DCAF5: variants seen among roughly 807,000 people sequenced by gnomAD.
The protein encoded by DCAF5 is DDB1- and CUL4-associated factor 5.
In DCAF5, 9 loss-of-function variants were observed where a neutral mutation model predicts 80.7. That is an observed-to-expected ratio of 0.11 (90% CI 0.07 to 0.19). DCAF5 has a LOEUF of 0.19. DCAF5 is among the 10% of genes least tolerant of loss of function. The pLI, the probability that DCAF5 is intolerant of heterozygous loss-of-function variation, is 1.00. For synonymous variants in DCAF5, 433 were observed against 461.9 expected, an observed-to-expected ratio of 0.94 and a Z score of 0.80; for missense variants, 842 against 1,205.7, an observed-to-expected ratio of 0.70 and a Z score of 4.47.
chr14:69,147,829 T>C (rs1034449849), intron 1 of DCAF5, among the ~76,000 whole-genome samples: 1 of 152,196 alleles, frequency 6.6e-6, no homozygotes. Context: ...ACAAAAAAGA[T>C]AATAATCTCT....
intron 4 of DCAF5, among the ~76,000 whole-genome samples, chr14:69,117,371 C>A (rs1264205384): frequency 6.6e-6 from 1 of 152,138 alleles, no homozygotes; most frequent in Non-Finnish European, 1.5e-5. Flanking sequence ...GAGCACAGCC[C>A]AGAATGTAAA....
At chr14:69,072,924 G>C (rs2038754146) in intron 7 of DCAF5, among the ~76,000 whole-genome samples, 1 of 152,188 alleles carries the variant, frequency 6.6e-6, no homozygotes, top group South Asian at 2.1e-4. Context: ...CCAAGTAAAG[G>C]ATGGGGATGC....
chr14:69,082,919 G>A (rs1348660372), intron 6 of DCAF5, among the ~76,000 whole-genome samples: 1 of 152,050 alleles, frequency 6.6e-6, no homozygotes, highest in African/African-American at 2.4e-5. Context: ...TTCCTAGTGG[G>A]GCCAGACTCT....
chr14:69,140,356 G>A (rs1045161727), intron 1 of DCAF5, among the ~76,000 whole-genome samples: 6 of 152,060 alleles, frequency 3.9e-5, no homozygotes, highest in East Asian at 1.9e-4. Context: ...ATTCTTCTCC[G>A]GGCCACTTGA....
In DCAF5 at chr14:69,084,985, G is replaced by T. The variant is rs951867342; in HGVS notation, c.879+6689C>A. On this transcript the variant is annotated intron_variant, in intron 6 of 8. Transcript: ENST00000341516. Reference sequence around the variant, plus strand: ...CTCATTTTGCACCCAGAAGAATTGGGTTTTCTTCACTACCTGAAATGATCC... The same window carrying T: ...CTCATTTTGCACCCAGAAGAATTGGTTTTTCTTCACTACCTGAAATGATCC... 30 of 1,410,224 alleles carry T rather than the reference G, an allele frequency of 2.1e-5. No individual in the cohort carries two copies. The African/African-American group carries it at 3.5e-4, about 17-fold the overall frequency. The allele number at this position is 1,410,224 out of a possible 1,614,324, so 87.4% of individuals were successfully genotyped here.
intron 5 of DCAF5, among the ~76,000 whole-genome samples, chr14:69,104,249 C>T (rs563387084): frequency 6.6e-6 from 1 of 152,226 alleles, no homozygotes; most frequent in East Asian, 1.9e-4. Context: ...ACATCTTTAC[C>T]AGCATGGCTT....
intron 2 of DCAF5, 92 bp from the exon 3 acceptor site, chr14:69,119,322 A>G (rs1317180691): frequency 1.5e-6 from 2 of 1,298,936 alleles, no homozygotes; most frequent in Non-Finnish European, 2.2e-6. Context: ...CAGGGAAAAA[A>G]TATGAACAAA....
intron 1 of DCAF5, among the ~76,000 whole-genome samples, chr14:69,144,225 G>T (rs1278083069): frequency 6.6e-6 from 1 of 151,498 alleles, no homozygotes; most frequent in African/African-American, 2.4e-5. Flanking sequence ...CCTGGCATAC[G>T]TTACAAGATA....
intron 6 of DCAF5, chr14:69,084,458 A>G (rs2039240035): frequency 1.2e-6 from 1 of 825,096 alleles, no homozygotes; most frequent in Non-Finnish European, 2.1e-6. Context: ...TAGACAGACG[A>G]TGCTCTTTTC....
intron 7 of DCAF5, among the ~76,000 whole-genome samples, chr14:69,070,640 G>A (rs2038649765): frequency 6.6e-6 from 1 of 152,080 alleles, no homozygotes; most frequent in South Asian, 2.1e-4. Context: ...GTAACTGCTG[G>A]TCTACTTATT....
chr14:69,102,692 A>G (rs1195836937), intron 5 of DCAF5, among the ~76,000 whole-genome samples: 1 of 151,664 alleles, frequency 6.6e-6, no homozygotes, highest in East Asian at 1.9e-4. Context: ...TGTTCTACTA[A>G]CATCTTCAGG....
chr14:69,132,050 AC>A (rs750724041), intron 1 of DCAF5, among the ~76,000 whole-genome samples: 7 of 152,106 alleles, frequency 4.6e-5, no homozygotes, highest in Non-Finnish European at 8.8e-5. Flanking sequence ...CCACTGATGG[AC>A]CCTTGGGTTG....
In DCAF5 at chr14:69,077,873, A is replaced by C. The variant is rs1040837507; in HGVS notation, c.880-2462T>G. Among the ~76,000 whole-genome samples, 5 of 152,350 alleles carry C rather than the reference A, an allele frequency of 3.3e-5. No homozygotes were observed. In the East Asian group the frequency reaches 5.8e-4, roughly 18 times the overall value. ...AAAAGGCAAAGACAGGTGGGTTTAA[A>C]GATGAAGAAAATGCTATCTATAGGG... On this transcript the variant is annotated intron_variant, in intron 6 of 8. Coordinates refer to ENST00000341516, the MANE Select transcript of DCAF5 (RefSeq NM_003861.3).
rs58620965 is a variant in DCAF5 at position 69,067,337 on chromosome 14, CTT to C, written c.947-4828_947-4827del. ...CATCTTCCTGCAGCCGATTTCGTATCTTTTTTTTTTTTTTTTTTTTTTTTGAG... is the reference window on the plus strand; with the variant it reads ...CATCTTCCTGCAGCCGATTTCGTATCTTTTTTTTTTTTTTTTTTTTTTGAG... On this transcript the variant is annotated intron_variant, in intron 7 of 8. Coordinates refer to ENST00000341516, the MANE Select transcript of DCAF5 (RefSeq NM_003861.3). Among the ~76,000 whole-genome samples the C allele has an allele frequency of 1.5e-3, 177 of 115,086 alleles. 1 individual carries two copies. In the South Asian group the frequency reaches 0.02, roughly 13 times the overall value. 75.5% of individuals were successfully genotyped at this position (115,086 alleles called of 152,430 possible).
intron 8 of DCAF5, among the ~76,000 whole-genome samples, chr14:69,061,007 G>A (rs1217296729): frequency 1.3e-5 from 2 of 151,462 alleles, no homozygotes; most frequent in African/African-American, 4.9e-5. Context: ...TAAAAAAATT[G>A]AGGATTTTTT....
chr14:69,089,640 T>A (rs904711078), intron 6 of DCAF5: 1 of 152,192 alleles, frequency 6.6e-6, no homozygotes, highest in Non-Finnish European at 1.5e-5. Context: ...CCTAGGACTA[T>A]CACAAAATAC....
chr14:69,093,802 G>A (rs967200475), intron 5 of DCAF5, among the ~76,000 whole-genome samples: 4 of 152,198 alleles, frequency 2.6e-5, no homozygotes, highest in African/African-American at 9.7e-5. Context: ...TGAAAGTAAA[G>A]AGGGAAGACT....
intron 7 of DCAF5, 83 bp downstream of exon 7, chr14:69,075,262 A>T: frequency 9.3e-7 from 1 of 1,072,152 alleles, no homozygotes; most frequent in Non-Finnish European, 1.4e-6. Context: ...TCTACTGCTA[A>T]AGATCTGTCC....
chr14:69,069,645 T>C (rs1441928063), intron 7 of DCAF5, among the ~76,000 whole-genome samples: 1 of 152,130 alleles, frequency 6.6e-6, no homozygotes, highest in Non-Finnish European at 1.5e-5. Flanking sequence ...TCTTTCTTTT[T>C]ATTATTATTA....
Sources: gnomAD v4.1 joint callset for allele counts (sites outside exome capture counted in the v4.1 genomes callset) on GRCh38, gnomAD v4.1.1 for gene constraint, MANE v1.5 for transcripts, NCBI Gene and HGNC (gene_info 2026-07-23, HGNC 2026-07-21) for gene names.